Variants in SURF4 observed in about 807,000 individuals in gnomAD.
SURF4 encodes surfeit locus protein 4.
A neutral mutation model predicts 30.0 loss-of-function variants in SURF4; 3 were observed. The observed-to-expected ratio is 0.10, with a 90% CI of 0.05 to 0.26. The LOEUF (loss-of-function observed/expected upper bound fraction) is 0.26, where lower values mean the gene tolerates loss of function less well. SURF4 is among the 10% of genes least tolerant of loss of function. The pLI, the probability that SURF4 is intolerant of heterozygous loss-of-function variation, is 1.00. For missense variants in SURF4, 217 were observed against 350.8 expected (o/e 0.62, Z 3.05); for synonymous variants, 143 against 139.9 (o/e 1.02, Z -0.16).
At chr9:133,370,960 G>A (rs2130185125) in intron 1 of SURF4, 3 of 1,289,558 alleles carry the variant, frequency 2.3e-6, no homozygotes, top group Admixed American at 2.3e-5. Flanking sequence ...CAGCATCTGA[G>A]GGGCTTAACA....
rs2130092740 is a variant in SURF4, at chr9:133,363,781, A to G, written c.544-22T>C. On this transcript the variant is annotated intron_variant, in intron 5 of 5. Transcript: ENST00000371989. This position sits in a 1 kb window ranked among gnomAD's most constrained non-coding sequence, Gnocchi z 4.3. The stretch of plus-strand genomic sequence containing the variant: ...CAATCTGCATAGGTTGAAACGTAAG[A>G]AATTCAAAATAAATGTGAGGAAAAG... 101 of 1,613,168 alleles carry G rather than the reference A, an allele frequency of 6.3e-5. No individual in the cohort carries two copies. Among genetic ancestry groups the G allele is most frequent in the Non-Finnish European group, 8.3e-5 (98 of 1,179,416 alleles).
At position 133,374,390 on chromosome 9, in the gene SURF4, T is replaced by TA. The variant is rs1328793744; in HGVS notation, c.48+1531dup. ...CAACATGGAGAAACCCTGTTTCTAC[T>TA]AAAAAAAAAAAAAATACAAAATTGG... On this transcript the variant is annotated intron_variant, in intron 1 of 5. Coordinates refer to ENST00000371989, the MANE Select transcript of SURF4 (RefSeq NM_033161.4). Among the ~76,000 whole-genome samples, 1,168 of 140,590 alleles carry TA rather than the reference T, an allele frequency of 8.3e-3. 6 individuals are homozygous for TA. The highest frequency in any genetic ancestry group is 0.023 in the African/African-American group (880 of 38,414). The allele number at this position is 140,590 out of a possible 152,430, so 92.2% of individuals were successfully genotyped here.
In SURF4 at chr9:133,363,475, G is replaced by A; in HGVS notation, c.*18C>T. The A allele has an allele frequency of 6.2e-7, 1 of 1,614,256 alleles. No individual in the cohort carries two copies. Among genetic ancestry groups the A allele is most frequent in the Non-Finnish European group, 8.5e-7 (1 of 1,180,050 alleles). ...GACGGCCACGGGTCTTAGCCAGGCAGGTAGGGATCTGTGACTGTTACCACT... is the reference window on the plus strand; with the variant it reads ...GACGGCCACGGGTCTTAGCCAGGCAAGTAGGGATCTGTGACTGTTACCACT... On this transcript the variant is annotated 3_prime_UTR_variant, in exon 6 of 6. Transcript: ENST00000371989. The surrounding 1 kb of genome is among the most constrained non-coding windows in gnomAD (Gnocchi z 4.3).
chr9:133,364,903 T>G lies in SURF4; in HGVS notation c.480A>C (p.Gly160=). The change falls in exon 5 of 6, where the codon GGA becomes GGC. Residue 160 remains glycine, a synonymous_variant. Transcript: ENST00000371989. Reference sequence around the variant, plus strand: ...ACATCAGAACCAGCAAGACCCTGCCTCCGAGCTGCATGTACTGTTTGGGGG... The same window carrying G: ...ACATCAGAACCAGCAAGACCCTGCCGCCGAGCTGCATGTACTGTTTGGGGG... ...ESSPKQYMQL[G]GRVLLVLMFM... 6.2e-7 allele frequency: 1 copy of G among 1,614,092 alleles called. No homozygotes were observed. The highest frequency in any genetic ancestry group is 8.5e-7 in the Non-Finnish European group (1 of 1,180,008).
At chr9:133,371,094 C>T (rs1294891431) in intron 1 of SURF4, 1 of 985,328 alleles carries the variant, frequency 1.0e-6, no homozygotes, top group African/African-American at 1.7e-5. Context: ...CTGTCACAGC[C>T]ACCTGCAGCT....
rs183333955 is a variant in SURF4 at position 133,369,543 on chromosome 9, C to T, written c.49-2098G>A. Among the ~76,000 whole-genome samples the T allele has an allele frequency of 3.3e-5, 5 of 152,324 alleles. No individual in the cohort carries two copies. In the East Asian group the frequency reaches 9.6e-4, roughly 29 times the overall value. On this transcript the variant is annotated intron_variant, in intron 1 of 5. Transcript: ENST00000371989. ...TATTTTTAAAAAGGCCCCAAATACT[C>T]CCCTGTGAATTTTAGGGCCAATGCA...
intron 5 of SURF4, 152 bp downstream of exon 5, chr9:133,364,688 C>G (rs1477397405): frequency 2.4e-5 from 16 of 667,252 alleles, no homozygotes; most frequent in Admixed American, 3.5e-5. Context: ...GAGACTCCGT[C>G]TCAAAAAAAA....
Position 133,361,626 on chromosome 9 carries a change from C to T in SURF4, c.*1867G>A, listed in dbSNP as rs1312343864. 1 of 156,546 alleles carries T rather than the reference C, an allele frequency of 6.4e-6. No individual in the cohort carries two copies. The highest frequency in any genetic ancestry group is 2.4e-5 in the African/African-American group (1 of 41,452). 9.7% of individuals were successfully genotyped at this position (156,546 alleles called of 1,614,324 possible). ...TTTGCCAGAATCAATTGGTAGATCCCACTTATCCTCCCCTCCCTGCAAAGG... is the reference window on the plus strand; with the variant it reads ...TTTGCCAGAATCAATTGGTAGATCCTACTTATCCTCCCCTCCCTGCAAAGG... On this transcript the variant is annotated 3_prime_UTR_variant, in exon 6 of 6. Transcript: ENST00000371989.
At position 133,363,243 on chromosome 9, in the gene SURF4, G is replaced by A. The variant is rs2130083301; in HGVS notation, c.*250C>T. On this transcript the variant is annotated 3_prime_UTR_variant, in exon 6 of 6. Transcript: ENST00000371989. The surrounding 1 kb of genome is among the most constrained non-coding windows in gnomAD (Gnocchi z 4.3). The stretch of plus-strand genomic sequence containing the variant: ...AGCGGGCTGTTCACTCCAAAGCCTC[G>A]GCGTGGGGGAGGCTTCCAGCTGCCA... 2.8e-4 allele frequency: 188 copies of A among 681,132 alleles called. No individual in the cohort carries two copies. Among genetic ancestry groups the A allele is most frequent in the Non-Finnish European group, 4.1e-4 (159 of 384,570 alleles). The allele number at this position is 681,132 out of a possible 1,614,324, so 42.2% of individuals were successfully genotyped here.
intron 1 of SURF4, among the ~76,000 whole-genome samples, chr9:133,367,959 C>A (rs1408475709): frequency 6.6e-6 from 1 of 152,254 alleles, no homozygotes; most frequent in Non-Finnish European, 1.5e-5. Context: ...ATCCTGGGTG[C>A]TGCAGGCTAT....
chr9:133,376,082 C>T (rs1420527966), upstream of SURF4: 6 of 1,205,616 alleles, frequency 5.0e-6, no homozygotes, highest in Non-Finnish European at 6.2e-6. Context: ...GGCCTCGCTC[C>T]GCGTCGGCTG....
rs2130140664 is a variant in SURF4, at chr9:133,367,347, G to C, written c.147C>G (p.Ser49Arg). ...EDGIRMWFQW[S>R]EQRDYIDTTW... The stretch of plus-strand genomic sequence containing the variant: ...TGGTGTCGATGTAGTCGCGCTGCTC[G>C]CTCCACTGGAACCACATACGGATGC... Residue 49 changes from serine to arginine, a missense_variant, in exon 2 of 6, where the codon AGC (serine) becomes AGG (arginine). Transcript: ENST00000371989. 7.4e-6 allele frequency: 12 copies of C among 1,614,084 alleles called. No homozygotes were observed. Among genetic ancestry groups the C allele is most frequent in the Non-Finnish European group, 8.5e-6 (10 of 1,180,052 alleles).
upstream of SURF4, chr9:133,376,295 C>T (rs1564371891): frequency 7.5e-7 from 1 of 1,338,216 alleles, no homozygotes; most frequent in Non-Finnish European, 9.5e-7. Flanking sequence ...CCCTCCCGGC[C>T]CGGCGGAACG....
intron 1 of SURF4, among the ~76,000 whole-genome samples, chr9:133,374,150 G>A (rs149990964): frequency 3.3e-5 from 5 of 152,208 alleles, no homozygotes; most frequent in South Asian, 2.1e-4. Flanking sequence ...AGGGAGCTGC[G>A]ACTTGGAGAA....
intron 1 of SURF4, among the ~76,000 whole-genome samples, chr9:133,369,307 G>A (rs1362790280): frequency 6.6e-6 from 1 of 152,182 alleles, no homozygotes; most frequent in Non-Finnish European, 1.5e-5. Flanking sequence ...CACCAAGTGG[G>A]TTTGGGAGAT....
intron 1 of SURF4, 130 bp downstream of exon 1, chr9:133,375,792 G>A (rs925632265): frequency 6.3e-6 from 6 of 956,482 alleles, no homozygotes; most frequent in African/African-American, 3.4e-5. Flanking sequence ...CGGGCGGGGG[G>A]GTCCCCCTGT....
At position 133,364,970 on chromosome 9, in the gene SURF4, C is replaced by T. The variant is rs2130112331; in HGVS notation, c.413G>A (p.Gly138Glu). ...LLLLAESRSE[G>E]KSMFAGVPTM... is the part of the protein sequence containing the mutation. ...GGGGACGCCCGCAAACATGCTCTTC[C>T]CTTCAGAACGGGATTCTGCTAGGAG... is the stretch of plus-strand genomic sequence containing the variant. Residue 138 changes from glycine to glutamate, a missense_variant, in exon 5 of 6, where the codon GGG becomes GAG. Transcript: ENST00000371989. The T allele has an allele frequency of 2.5e-6, 4 of 1,610,114 alleles. No homozygotes were observed. In the South Asian group the frequency reaches 4.4e-5, roughly 18 times the overall value.
rs2130139997 is a variant in SURF4 at position 133,367,329 on chromosome 9, G to A, written c.165C>T (p.Ile55=). 18 of 1,614,122 alleles carry A rather than the reference G, an allele frequency of 1.1e-5. 1 individual carries two copies. The South Asian group carries it at 1.3e-4, about 12-fold the overall frequency. The change falls in exon 2 of 6, where the codon ATC becomes ATT. Residue 55 remains isoleucine, a synonymous_variant. Transcript: ENST00000371989. The stretch of plus-strand genomic sequence containing the variant: ...GGTAGCCGCAGTTCCAGGTGGTGTC[G>A]ATGTAGTCGCGCTGCTCGCTCCACT... ...WFQWSEQRDY[I]DTTWNCGYLL...
At chr9:133,377,033 A>G (rs1837987994), upstream of SURF4, among the ~76,000 whole-genome samples, 1 of 152,238 alleles carries the variant, frequency 6.6e-6, no homozygotes, top group Non-Finnish European at 1.5e-5. Flanking sequence ...TACATGATAT[A>G]TACACTTTAT....
Sources: allele counts gnomAD v4.1 joint callset (sites outside exome capture counted in the v4.1 genomes callset), GRCh38; gene constraint gnomAD v4.1.1; non-coding constraint Gnocchi (gnomAD v3.1); transcripts MANE v1.5; gene names NCBI Gene and HGNC (gene_info 2026-07-23, HGNC 2026-07-21).